Variants in NPHP3 observed in about 807,000 individuals in gnomAD.
NPHP3 encodes the protein nephrocystin 3, also known as nephrocystin-3.
Under a neutral mutation model 171.9 loss-of-function variants are expected in NPHP3, and 123 were observed. That is an observed-to-expected ratio of 0.72 (90% CI 0.62 to 0.83). The LOEUF (loss-of-function observed/expected upper bound fraction) is 0.83, where lower values mean the gene tolerates loss of function less well. Among genes scored for constraint, NPHP3 ranks in the 40% least tolerant of loss-of-function variants. The probability of loss-of-function intolerance (pLI) is 0.00; values close to 1 mark genes in which losing one functional copy is unlikely to be tolerated. For missense variants in NPHP3, 1,506 were observed against 1,591.9 expected (o/e 0.95, Z 0.92); for synonymous variants, 558 against 579.2 (o/e 0.96, Z 0.52).
At chr3:132,708,662 A>G (rs1305637514) in intron 6 of NPHP3, among the ~76,000 whole-genome samples, 2 of 152,216 alleles carry the variant, frequency 1.3e-5, no homozygotes, top group African/African-American at 4.8e-5. Context: ...ACAAGTAGGC[A>G]GGAGGTCATG....
chr3:132,721,930 G>T (rs1440591266), intron 1 of NPHP3, 33 bp downstream of exon 1: 1 of 1,607,984 alleles, frequency 6.2e-7, no homozygotes, highest in African/African-American at 1.3e-5. Flanking sequence ...CTTCCCAAGG[G>T]TCTCCCGGCG....
intron 13 of NPHP3, among the ~76,000 whole-genome samples, chr3:132,697,769 C>G (rs1939493889): frequency 6.6e-6 from 1 of 152,132 alleles, no homozygotes; most frequent in Non-Finnish European, 1.5e-5. Context: ...TGATATGGTA[C>G]TGAAAATTGC....
At chr3:132,690,947 T>C (rs917409208) in intron 18 of NPHP3, among the ~76,000 whole-genome samples, 5 of 152,110 alleles carry the variant, frequency 3.3e-5, no homozygotes, top group African/African-American at 7.2e-5. Context: ...ACACAAACTA[T>C]TGGAATAAAA....
intron 15 of NPHP3, among the ~76,000 whole-genome samples, chr3:132,696,237 T>C (rs1045142899): frequency 7.9e-5 from 12 of 152,184 alleles, no homozygotes; most frequent in African/African-American, 2.6e-4. Flanking sequence ...GGTAAAGCTA[T>C]ACTGAGGAAA....
At chr3:132,708,671 T>C (rs1202076744) in intron 6 of NPHP3, among the ~76,000 whole-genome samples, 1 of 152,266 alleles carries the variant, frequency 6.6e-6, no homozygotes, top group Non-Finnish European at 1.5e-5. Flanking sequence ...CAGGAGGTCA[T>C]GCGTGGGTAG....
intron 7 of NPHP3, among the ~76,000 whole-genome samples, chr3:132,707,216 T>C (rs1939777808): frequency 6.6e-6 from 1 of 152,214 alleles, no homozygotes; most frequent in African/African-American, 2.4e-5. Context: ...ATCAGCTTTT[T>C]GCTTTCCCCA....
intron 6 of NPHP3, among the ~76,000 whole-genome samples, chr3:132,710,487 G>A (rs1482627973): frequency 6.6e-6 from 1 of 151,984 alleles, no homozygotes; most frequent in Non-Finnish European, 1.5e-5. Flanking sequence ...AGTCACAGTC[G>A]CCCCTCTGTG....
rs182411400 is a variant in NPHP3 at position 132,712,661 on chromosome 3, G to A, written c.1118+465C>T. On this transcript the variant is annotated intron_variant, in intron 6 of 26. Coordinates refer to ENST00000337331, the MANE Select transcript of NPHP3 (RefSeq NM_153240.5). ...GGCGCCTATAGTCCCAGCTACTCAG[G>A]AGGCTGAGGCAGGAGAATGGTGTGA... is the stretch of plus-strand genomic sequence containing the variant. Among the ~76,000 whole-genome samples, 501 of 152,262 alleles carry A rather than the reference G, an allele frequency of 3.3e-3. 1 individual carries two copies. Among genetic ancestry groups the A allele is most frequent in the African/African-American group, 0.012 (483 of 41,568 alleles).
intron 5 of NPHP3, among the ~76,000 whole-genome samples, 173 bp from the exon 6 acceptor site, chr3:132,713,459 T>C (rs1316645391): frequency 1.3e-5 from 2 of 152,210 alleles, no homozygotes; most frequent in Non-Finnish European, 2.9e-5. Flanking sequence ...GGCAAGTTTC[T>C]CTCAAATACA....
Position 132,719,737 on chromosome 3 carries a change from G to C in NPHP3, c.487C>G (p.His163Asp), listed in dbSNP as rs765225772. 5.1e-6 allele frequency: 8 copies of C among 1,575,006 alleles called. No homozygotes were observed. Among genetic ancestry groups the C allele is most frequent in the Non-Finnish European group, 6.9e-6 (8 of 1,157,144 alleles). The change falls in exon 2 of 27, where the codon CAT becomes GAT. Residue 163 changes from histidine (H) to aspartate (D), a missense_variant. Transcript: ENST00000337331. ...TGCCTTTTAACTTTATCTCTGTCAT[G>C]TTCAAATGTTGCTGCTCTCTCCATT... The part of the protein sequence containing the change: ...QAMERAATFE[H>D]DRDKVKRQFK...
chr3:132,705,127 C>T (rs539398592), intron 8 of NPHP3, among the ~76,000 whole-genome samples: 92 of 152,272 alleles, frequency 6.0e-4, no homozygotes, highest in Non-Finnish European at 1.1e-3. Flanking sequence ...TGCGCCCATT[C>T]TGTTTGAGGG....
Position 132,688,884 on chromosome 3 carries a change from A to T in NPHP3, c.2891T>A (p.Val964Glu). Residue 964 changes from valine to glutamate, a missense_variant, in exon 21 of 27, where the codon GTA (valine) becomes GAA (glutamate). This residue lies in a region of NPHP3 where 569 missense variants were observed against 648.1 expected (regional missense o/e 0.88). Transcript: ENST00000337331. ...KDLGLLSQAI[V>E]PLQRSLEIRE... Reference sequence around the variant, plus strand: ...AATCTCTAAAGACCTCTGCAAAGGTACTATGGCCTGGGGGGAAAAGGGGTG... The same window carrying T: ...AATCTCTAAAGACCTCTGCAAAGGTTCTATGGCCTGGGGGGAAAAGGGGTG... 4 of 1,614,112 alleles carry T rather than the reference A, an allele frequency of 2.5e-6. No individual in the cohort carries two copies. The highest frequency in any genetic ancestry group is 3.4e-6 in the Non-Finnish European group (4 of 1,179,982).
intron 26 of NPHP3, chr3:132,682,465 G>A (rs1485609424): frequency 3.5e-6 from 2 of 572,978 alleles, no homozygotes; most frequent in South Asian, 2.1e-5. Flanking sequence ...GCCAGATGTA[G>A]TATAAACCAT....
intron 1 of NPHP3, 38 bp downstream of exon 1, chr3:132,721,925 C>T: frequency 6.2e-7 from 1 of 1,606,900 alleles, no homozygotes; most frequent in South Asian, 1.1e-5. Flanking sequence ...CCGTGCTTCC[C>T]AAGGGTCTCC....
At chr3:132,701,877 T>C (rs1939617414) in intron 9 of NPHP3, among the ~76,000 whole-genome samples, 1 of 151,992 alleles carries the variant, frequency 6.6e-6, no homozygotes. Flanking sequence ...AAAAACAAAA[T>C]TAGCCGAGCG....
Position 132,722,179 on chromosome 3 carries a change from C to T in NPHP3, c.177G>A (p.Ser59=). ...AGAAAGAGPG[S]LPRGVGAGGL... Reference sequence around the variant, plus strand: ...CGCCCGCGCCCACCCCGCGGGGCAGCGACCCGGGCCCGGCCCCTGCTGCCG... The same window carrying T: ...CGCCCGCGCCCACCCCGCGGGGCAGTGACCCGGGCCCGGCCCCTGCTGCCG... The change falls in exon 1 of 27, where the codon TCG becomes TCA. Residue 59 remains serine (S), a synonymous_variant. Coordinates refer to ENST00000337331, the MANE Select transcript of NPHP3 (RefSeq NM_153240.5). 3 of 1,527,172 alleles carry T rather than the reference C, an allele frequency of 2.0e-6. No homozygotes were observed. Among genetic ancestry groups the T allele is most frequent in the Non-Finnish European group, 1.7e-6 (2 of 1,146,318 alleles). 94.6% of individuals were successfully genotyped at this position (1,527,172 alleles called of 1,614,324 possible).
chr3:132,715,328 A>C, intron 4 of NPHP3, 110 bp from the exon 5 acceptor site: 1 of 842,708 alleles, frequency 1.2e-6, no homozygotes, highest in Non-Finnish European at 2.0e-6. Context: ...CTGATCTTAC[A>C]TGTTAATACT....
At chr3:132,717,752 C>CTTTTTTTTT (rs959757847) in intron 3 of NPHP3, among the ~76,000 whole-genome samples, 6 of 81,258 alleles carry the variant, frequency 7.4e-5, no homozygotes, top group Admixed American at 1.6e-4. Context: ...CATTAAGAAT[C>CTTTTTTTTT]TTTTTTTTTT....
chr3:132,719,765 T>C lies in NPHP3; in HGVS notation c.459A>G (p.Gln153=), dbSNP rs1447958994. The C allele has an allele frequency of 6.2e-7, 1 of 1,604,290 alleles. No individual in the cohort carries two copies. Among genetic ancestry groups the C allele is most frequent in the East Asian group, 2.2e-5 (1 of 44,598 alleles). The stretch of plus-strand genomic sequence containing the variant: ...CAAATGTTGCTGCTCTCTCCATTGC[T>C]TGGTATTTCGCTTCTAAAGCACTTT... ...EKESALEAKY[Q]AMERAATFEH... Residue 153 remains glutamine, a synonymous_variant, in exon 2 of 27, where the codon CAA becomes CAG. Transcript: ENST00000337331.
Sources: allele counts gnomAD v4.1 joint callset (sites outside exome capture counted in the v4.1 genomes callset), GRCh38; gene constraint gnomAD v4.1.1; regional missense constraint gnomAD v4.1.1; transcripts MANE v1.5; gene names NCBI Gene and HGNC (gene_info 2026-07-23, HGNC 2026-07-21).